Variants in RUNX1 observed in about 807,000 individuals in gnomAD.
RUNX1 encodes the protein RUNX family transcription factor 1.
A neutral mutation model predicts 42.8 loss-of-function variants in RUNX1; 19 were observed. That is an observed-to-expected ratio of 0.44 (90% CI 0.31 to 0.65). The LOEUF (loss-of-function observed/expected upper bound fraction) is 0.65. RUNX1 is among the 30% of genes least tolerant of loss of function. RUNX1 has a pLI of 0.07. For missense variants in RUNX1, 528 were observed against 672.0 expected (o/e 0.79, Z 2.37); for synonymous variants, 271 against 289.4 (o/e 0.94, Z 0.64).
intron 2 of RUNX1, among the ~76,000 whole-genome samples, chr21:35,047,300 G>A (rs1474688757): frequency 2.6e-5 from 4 of 152,084 alleles, no homozygotes; most frequent in Non-Finnish European, 2.9e-5. Flanking sequence ...CCAGGGAGCC[G>A]TTTGCAGCTT....
At chr21:34,889,587 GC>G (rs2058052182) in intron 3 of RUNX1, 2 of 874,306 alleles carry the variant, frequency 2.3e-6, no homozygotes, top group African/African-American at 1.8e-5. Context: ...GCCTGCCCGG[GC>G]CCCGCGTCTC....
intron 2 of RUNX1, chr21:35,038,847 C>A (rs886904563): frequency 2.3e-6 from 1 of 429,484 alleles, no homozygotes; most frequent in Non-Finnish European, 4.7e-6. Context: ...ATCTCTGAAC[C>A]CTCTGCATGG....
At chr21:34,893,975 CAAAG>C (rs1389461535) in intron 2 of RUNX1, among the ~76,000 whole-genome samples, 1 of 151,286 alleles carries the variant, frequency 6.6e-6, no homozygotes, top group Non-Finnish European at 1.5e-5. Context: ...TGTATAGTCT[CAAAG>C]GAGCATCCAA....
intron 2 of RUNX1, among the ~76,000 whole-genome samples, chr21:34,936,859 C>CT (rs912872678): frequency 6.6e-6 from 1 of 151,324 alleles, no homozygotes; most frequent in South Asian, 2.1e-4. Context: ...GAAAAGAATT[C>CT]TTTTTTTTTC....
chr21:34,888,070 C>G (rs1307148235), intron 3 of RUNX1: 77 of 1,066,178 alleles, frequency 7.2e-5, no homozygotes, highest in Non-Finnish European at 8.4e-5. Context: ...GGGAGTTGAG[C>G]AGCCGCAGAG....
intron 2 of RUNX1, among the ~76,000 whole-genome samples, chr21:35,032,617 C>T (rs972117988): frequency 6.6e-6 from 1 of 152,142 alleles, no homozygotes; most frequent in Non-Finnish European, 1.5e-5. Context: ...GTAAGATGTC[C>T]CTTGACTGTG....
intron 2 of RUNX1, among the ~76,000 whole-genome samples, chr21:34,902,542 CAA>C (rs1298621908): frequency 3.3e-5 from 5 of 152,134 alleles, no homozygotes; most frequent in African/African-American, 9.7e-5. Context: ...TTCACACACA[CAA>C]ATATATTATC....
intron 5 of RUNX1, among the ~76,000 whole-genome samples, chr21:34,863,550 CTTTT>C (rs34743281): frequency 2.7e-5 from 3 of 109,134 alleles, no homozygotes; most frequent in Admixed American, 9.5e-5. Context: ...TCATGCCCAT[CTTTT>C]TTTTTTTTTT....
At chr21:34,970,485 G>T (rs988678513) in intron 2 of RUNX1, among the ~76,000 whole-genome samples, 1 of 152,190 alleles carries the variant, frequency 6.6e-6, no homozygotes, top group African/African-American at 2.4e-5. Flanking sequence ...TCTGATCCTG[G>T]ATGGCTGGGG....
intron 4 of RUNX1, among the ~76,000 whole-genome samples, chr21:34,885,192 T>A (rs1601524776): frequency 1.3e-5 from 2 of 152,222 alleles, no homozygotes; most frequent in South Asian, 2.1e-4. Context: ...ACAAATCTCT[T>A]AGAGCCCTAG....
chr21:34,906,732 G>A (rs1426268779), intron 2 of RUNX1, among the ~76,000 whole-genome samples: 1 of 152,172 alleles, frequency 6.6e-6, no homozygotes, highest in Admixed American at 6.5e-5. Flanking sequence ...GACTCCTTTT[G>A]CTTCTGAAGG....
chr21:34,789,103 A>G lies in RUNX1; in HGVS notation c.*3032T>C, dbSNP rs935350952. ...GTTTGCTGGTTTGGACAGCAAGCAG[A>G]TCCAATATGGTTGGCAATGTCTCTG... On this transcript the variant is annotated 3_prime_UTR_variant, in exon 9 of 9. Coordinates refer to ENST00000675419, the MANE Select transcript of RUNX1 (RefSeq NM_001754.5). 4.3e-6 allele frequency: 1 copy of G among 233,216 alleles called. No homozygotes were observed. Among genetic ancestry groups the G allele is most frequent in the Non-Finnish European group, 8.5e-6 (1 of 118,096 alleles). The allele number at this position is 233,216 out of a possible 1,614,324, so 14.4% of individuals were successfully genotyped here.
chr21:34,953,311 G>A lies in RUNX1; in HGVS notation c.59-60348C>T, dbSNP rs573155010. ...AACCCTGATTTTGTTGAGGATAACA[G>A]TGTGCTTAGGTAAGAGATGTCATTT... On this transcript the variant is annotated intron_variant, in intron 2 of 8. Coordinates refer to ENST00000675419, the MANE Select transcript of RUNX1 (RefSeq NM_001754.5). Among the ~76,000 whole-genome samples, 4 of 152,298 alleles carry A rather than the reference G, an allele frequency of 2.6e-5. No homozygotes were observed. In the South Asian group the frequency reaches 8.3e-4, roughly 32 times the overall value.
intron 6 of RUNX1, among the ~76,000 whole-genome samples, chr21:34,837,439 T>A (rs1360960071): frequency 2.0e-5 from 3 of 152,168 alleles, no homozygotes; most frequent in African/African-American, 7.2e-5. Flanking sequence ...CGAAGGAACA[T>A]CTAATTCTTA....
intron 5 of RUNX1, among the ~76,000 whole-genome samples, chr21:34,865,664 C>T (rs1387043690): frequency 2.0e-5 from 3 of 152,294 alleles, no homozygotes; most frequent in South Asian, 2.1e-4. Context: ...TTGACGTTGG[C>T]GGCCCTGGGG....
chr21:34,846,025 G>A (rs192263858), intron 6 of RUNX1, among the ~76,000 whole-genome samples: 240 of 152,234 alleles, frequency 1.6e-3, no homozygotes, highest in Admixed American at 3.4e-3. Context: ...GGAGGCAGAG[G>A]AGGGAGGCGG....
rs1447497062 is a variant in RUNX1 at position 34,792,183 on chromosome 21, G to A, written c.1395C>T (p.Asn465=). 1.3e-6 allele frequency: 2 copies of A among 1,534,436 alleles called. No individual in the cohort carries two copies. Among genetic ancestry groups the A allele is most frequent in the Non-Finnish European group, 1.7e-6 (2 of 1,147,306 alleles). Residue 465 remains asparagine (N), a synonymous_variant, in exon 9 of 9, where the codon AAC becomes AAT. Coordinates refer to ENST00000675419, the MANE Select transcript of RUNX1 (RefSeq NM_001754.5). This position sits in a 1 kb window ranked among gnomAD's most constrained non-coding sequence, Gnocchi z 6.9. ...AEGSHSNSPT[N]MAPSARLEEA... ...CCTCCAGGCGCGCGGAGGGCGCCATGTTGGTGGGGGAGTTGCTGTGGCTGC... is the reference window on the plus strand; with the variant it reads ...CCTCCAGGCGCGCGGAGGGCGCCATATTGGTGGGGGAGTTGCTGTGGCTGC...
intron 2 of RUNX1, among the ~76,000 whole-genome samples, chr21:34,995,150 T>C (rs1035346674): frequency 3.3e-5 from 5 of 152,244 alleles, no homozygotes; most frequent in Non-Finnish European, 5.9e-5. Flanking sequence ...CTCCTGAGCA[T>C]GGCTGGTGGC....
chr21:34,867,732 TC>T (rs1223115663), intron 5 of RUNX1, among the ~76,000 whole-genome samples: 2 of 152,124 alleles, frequency 1.3e-5, no homozygotes, highest in African/African-American at 4.8e-5. Flanking sequence ...ATACCACAGT[TC>T]CCTAGGATCT....
Sources: allele counts gnomAD v4.1 joint callset (sites outside exome capture counted in the v4.1 genomes callset), GRCh38; gene constraint gnomAD v4.1.1; non-coding constraint Gnocchi (gnomAD v3.1); transcripts MANE v1.5; gene names NCBI Gene and HGNC (gene_info 2026-07-23, HGNC 2026-07-21).